The following NAMPT variants were observed in gnomAD, a reference collection of about 807,000 sequenced individuals.
NAMPT encodes nicotinamide phosphoribosyltransferase, also known as NAmPRTase.
A neutral mutation model predicts 58.7 loss-of-function variants in NAMPT; 7 were observed. The ratio of observed to expected loss-of-function variants is 0.12; its 90% CI spans 0.07 to 0.22. The LOEUF is 0.22. Ranked by LOEUF, NAMPT falls within the 10% of genes least tolerant of loss-of-function variation. NAMPT has a pLI of 1.00. For missense variants in NAMPT, 271 were observed against 567.9 expected (o/e 0.48, Z 5.31); for synonymous variants, 145 against 198.1 (o/e 0.73, Z 2.25).
chr7:106,259,974 TTTG>T (rs1792275355), intron 8 of NAMPT, among the ~76,000 whole-genome samples: 1 of 151,440 alleles, frequency 6.6e-6, no homozygotes, highest in South Asian at 2.1e-4. Context: ...TCATCCAGGC[TTTG>T]TTGTTCCATT....
At chr7:106,281,037 TC>T (rs1172144749) in intron 1 of NAMPT, among the ~76,000 whole-genome samples, 2 of 150,130 alleles carry the variant, frequency 1.3e-5, no homozygotes, top group Non-Finnish European at 3.0e-5. Context: ...AGGATAAACT[TC>T]TAAAAATTAT....
chr7:106,268,850 A>T (rs190653067), intron 5 of NAMPT, among the ~76,000 whole-genome samples: 96 of 152,234 alleles, frequency 6.3e-4, no homozygotes, highest in Admixed American at 1.3e-3. Context: ...CCCACTTTTC[A>T]TCACTCTCTC....
At position 106,249,246 on chromosome 7, in the gene NAMPT, T is replaced by C. The variant is rs1378193390; in HGVS notation, c.*1837A>G. 6.6e-6 allele frequency: 1 copy of C among 152,524 alleles called. No homozygotes were observed. Among genetic ancestry groups the C allele is most frequent in the Non-Finnish European group, 1.5e-5 (1 of 67,972 alleles). The allele number at this position is 152,524 out of a possible 1,614,324, so 9.4% of individuals were successfully genotyped here. A position where few individuals can be genotyped will look rare whatever the true frequency, so the allele number is the denominator to read the frequency against. The stretch of plus-strand genomic sequence containing the variant: ...ACTTACTAAAAGTGAATAATGCTTA[T>C]TGTTCTCACTACATGTTTAAAGAAC... On this transcript the variant is annotated 3_prime_UTR_variant, in exon 11 of 11. Coordinates refer to ENST00000222553, the MANE Select transcript of NAMPT (RefSeq NM_005746.3).
upstream of NAMPT, chr7:106,285,143 C>A: frequency 7.8e-7 from 1 of 1,278,476 alleles, no homozygotes; most frequent in Non-Finnish European, 9.9e-7. Flanking sequence ...GGTTCCCCCG[C>A]CTTCACCCCG....
Position 106,249,686 on chromosome 7 carries a change from C to G in NAMPT, c.*1397G>C, listed in dbSNP as rs570752640. On this transcript the variant is annotated 3_prime_UTR_variant, in exon 11 of 11. Coordinates refer to ENST00000222553, the MANE Select transcript of NAMPT (RefSeq NM_005746.3). Reference sequence around the variant, plus strand: ...TTTGGCTTCTATTGCAGCTGTTTACCTTAGGCTGGAGTAGTGGGAAAGCAG... The same window carrying G: ...TTTGGCTTCTATTGCAGCTGTTTACGTTAGGCTGGAGTAGTGGGAAAGCAG... The G allele has an allele frequency of 2.7e-4, 41 of 152,072 alleles. No homozygotes were observed. Among genetic ancestry groups the G allele is most frequent in the African/African-American group, 9.4e-4 (39 of 41,510 alleles). 9.4% of individuals were successfully genotyped at this position (152,072 alleles called of 1,614,324 possible).
chr7:106,263,104 G>C, intron 7 of NAMPT: 1 of 381,774 alleles, frequency 2.6e-6, no homozygotes, highest in Non-Finnish European at 4.7e-6. Flanking sequence ...CCAAATCATA[G>C]GATTAATTAA....
intron 1 of NAMPT, among the ~76,000 whole-genome samples, chr7:106,277,448 TGGTTTTGGGGAACAGTC>T (rs1193007220): frequency 1.3e-5 from 2 of 152,220 alleles, no homozygotes; most frequent in Non-Finnish European, 2.9e-5. Context: ...GTATTTCATT[TGGTTTTGGGGAACAGTC>T]CTTCATCCAG....
chr7:106,252,790 C>CTA (rs2115719139), intron 10 of NAMPT, among the ~76,000 whole-genome samples: 2 of 152,222 alleles, frequency 1.3e-5, no homozygotes, highest in Non-Finnish European at 2.9e-5. Context: ...CTGTCAATCA[C>CTA]TATACTTACG....
At position 106,275,068 on chromosome 7, in the gene NAMPT, C is replaced by T; in HGVS notation, c.215-19G>A. ...ACTTTACCTAGAAGAATATACATGT[C>T]CTGTTTACATTTCTAAAGGTGCATT... On this transcript the variant is annotated intron_variant, in intron 2 of 10. Coordinates refer to ENST00000222553, the MANE Select transcript of NAMPT (RefSeq NM_005746.3). 6.8e-7 allele frequency: 1 copy of T among 1,463,574 alleles called. No homozygotes were observed. Among genetic ancestry groups the T allele is most frequent in the Admixed American group, 1.7e-5 (1 of 58,274 alleles). 90.7% of individuals were successfully genotyped at this position (1,463,574 alleles called of 1,614,324 possible). A position where few individuals can be genotyped will look rare whatever the true frequency, so the allele number is the denominator to read the frequency against.
intron 1 of NAMPT, among the ~76,000 whole-genome samples, chr7:106,280,116 A>C (rs766314196): frequency 4.6e-5 from 7 of 152,164 alleles, no homozygotes; most frequent in Admixed American, 6.5e-5. Context: ...CACCTTTTAA[A>C]AGGATTAGCC....
intron 6 of NAMPT, among the ~76,000 whole-genome samples, chr7:106,264,242 C>T (rs926599099): frequency 2.0e-5 from 3 of 151,396 alleles, no homozygotes; most frequent in African/African-American, 7.3e-5. Flanking sequence ...TAATATATGC[C>T]CAGGGAATAA....
At chr7:106,284,120 G>T (rs1792816903) in intron 1 of NAMPT, among the ~76,000 whole-genome samples, 3 of 152,166 alleles carry the variant, frequency 2.0e-5, no homozygotes, top group Admixed American at 1.3e-4. Flanking sequence ...ATCCTGTAAT[G>T]ACCCTAAAGC....
chr7:106,284,758 C>T, intron 1 of NAMPT, 70 bp downstream of exon 1: 1 of 1,354,704 alleles, frequency 7.4e-7, no homozygotes, highest in Non-Finnish European at 9.7e-7. Flanking sequence ...CAGCCGCCCC[C>T]GCCCCCCTGC....
At position 106,254,508 on chromosome 7, in the gene NAMPT, G is replaced by C. The variant is rs1792165687; in HGVS notation, c.1090-4C>G. On this transcript the variant is annotated splice_region_variant and splice_polypyrimidine_tract_variant and intron_variant, in intron 8 of 10. Coordinates refer to ENST00000222553, the MANE Select transcript of NAMPT (RefSeq NM_005746.3). ...TTTGTTTCATGCCTTCTACAATCTA[G>C]AAGATTAAAACAAAACAAAACCAAA... The C allele has an allele frequency of 1.9e-6, 3 of 1,613,138 alleles. No homozygotes were observed. In the South Asian group the frequency reaches 3.3e-5, roughly 18 times the overall value.
At chr7:106,268,349 A>G (rs1302534190) in intron 6 of NAMPT, 115 bp downstream of exon 6, 1 of 889,198 alleles carries the variant, frequency 1.1e-6, no homozygotes, top group Non-Finnish European at 1.7e-6. Context: ...GTGTTGCTCA[A>G]GTTCATGAAG....
At chr7:106,276,717 C>G in intron 2 of NAMPT, 1 of 284,520 alleles carries the variant, frequency 3.5e-6, no homozygotes, top group South Asian at 3.5e-5. Flanking sequence ...TGGTGCATGC[C>G]TGTAATCCCA....
chr7:106,266,451 A>G (rs1480063012), intron 6 of NAMPT, among the ~76,000 whole-genome samples: 1 of 152,218 alleles, frequency 6.6e-6, no homozygotes, highest in Non-Finnish European at 1.5e-5. Flanking sequence ...CAAACTAAAA[A>G]TAACTCTTAA....
At position 106,268,449 on chromosome 7, in the gene NAMPT, A is replaced by G. The variant is rs769556788; in HGVS notation, c.743+15T>C. 1.6e-5 allele frequency: 26 copies of G among 1,590,620 alleles called. No individual in the cohort carries two copies. The highest frequency in any genetic ancestry group is 2.7e-5 in the African/African-American group (2 of 73,316). On this transcript the variant is annotated intron_variant, in intron 6 of 10. Coordinates refer to ENST00000222553, the MANE Select transcript of NAMPT (RefSeq NM_005746.3). The stretch of plus-strand genomic sequence containing the variant: ...AAAAAATTAGTAGTTTTAAAAAATG[A>G]ACAGAATTTTTTACCTGTGTTCTGC...
intron 4 of NAMPT, 197 bp downstream of exon 4, chr7:106,272,333 G>T: frequency 2.2e-6 from 1 of 447,842 alleles, no homozygotes; most frequent in Admixed American, 4.1e-5. Context: ...CAAAATCTCA[G>T]AACATTCTAT....
Sources: allele counts gnomAD v4.1 joint callset (sites outside exome capture counted in the v4.1 genomes callset), GRCh38; gene constraint gnomAD v4.1.1; transcripts MANE v1.5; gene names NCBI Gene and HGNC (gene_info 2026-07-23, HGNC 2026-07-21).